Variants in CDH12 observed in about 807,000 individuals in gnomAD.
CDH12 encodes cadherin-12.
Under a neutral mutation model 74.1 loss-of-function variants are expected in CDH12, and 41 were observed. The observed-to-expected ratio is 0.55, with a 90% CI of 0.43 to 0.72. The LOEUF is 0.72. Among genes scored for constraint, CDH12 ranks in the 30% least tolerant of loss-of-function variants. The pLI is 0.00. For missense variants in CDH12, 945 were observed against 977.2 expected (o/e 0.97, Z 0.44); for synonymous variants, 399 against 355.0 (o/e 1.12, Z -1.39).
intron 1 of CDH12, among the ~76,000 whole-genome samples, chr5:22,532,246 T>C (rs1480647347): frequency 6.7e-6 from 1 of 149,564 alleles, no homozygotes; most frequent in African/African-American, 2.5e-5. Context: ...AGGATGTCTG[T>C]TAAGAAAGGA....
chr5:22,787,103 G>A (rs888489690), intron 1 of CDH12, among the ~76,000 whole-genome samples: 7 of 151,274 alleles, frequency 4.6e-5, no homozygotes, highest in Non-Finnish European at 7.4e-5. Context: ...CACTGAACTC[G>A]TGCATGTTCT....
chr5:22,034,885 C>G (rs1326607044), intron 5 of CDH12, among the ~76,000 whole-genome samples: 1 of 152,080 alleles, frequency 6.6e-6, no homozygotes, highest in Non-Finnish European at 1.5e-5. Flanking sequence ...CCTGAATAAG[C>G]AAACAATACC....
intron 4 of CDH12, among the ~76,000 whole-genome samples, chr5:22,095,931 C>T (rs1400881246): frequency 6.6e-6 from 1 of 151,880 alleles, no homozygotes; most frequent in Non-Finnish European, 1.5e-5. Context: ...TATCTCTGCA[C>T]CCTGATCCCT....
intron 3 of CDH12, among the ~76,000 whole-genome samples, chr5:22,352,815 A>C (rs1740410860): frequency 6.6e-6 from 1 of 152,164 alleles, no homozygotes; most frequent in Non-Finnish European, 1.5e-5. Flanking sequence ...TTTATTTAGA[A>C]ACTGTTGAGT....
At chr5:22,090,293 A>G (rs1322192434) in intron 4 of CDH12, among the ~76,000 whole-genome samples, 1 of 151,974 alleles carries the variant, frequency 6.6e-6, no homozygotes, top group Non-Finnish European at 1.5e-5. Flanking sequence ...GATGAAATGG[A>G]CACATTTTTA....
At chr5:22,401,382 C>T (rs928715184) in intron 3 of CDH12, among the ~76,000 whole-genome samples, 3 of 152,124 alleles carry the variant, frequency 2.0e-5, no homozygotes, top group Non-Finnish European at 2.9e-5. Context: ...TCATCTATTA[C>T]TAATGTTTAT....
intron 4 of CDH12, among the ~76,000 whole-genome samples, chr5:22,132,017 C>T (rs1746203579): frequency 6.6e-6 from 1 of 152,042 alleles, no homozygotes; most frequent in Non-Finnish European, 1.5e-5. Flanking sequence ...CCATGGAGGG[C>T]CTGCAAAGTC....
At chr5:22,599,215 A>G (rs1362092021) in intron 1 of CDH12, among the ~76,000 whole-genome samples, 1 of 152,176 alleles carries the variant, frequency 6.6e-6, no homozygotes, top group Non-Finnish European at 1.5e-5. Context: ...CTGATACAGA[A>G]AATTGCACTA....
intron 3 of CDH12, among the ~76,000 whole-genome samples, chr5:22,361,791 C>G (rs1028503093): frequency 6.6e-6 from 1 of 152,188 alleles, no homozygotes; most frequent in African/African-American, 2.4e-5. Flanking sequence ...CTACCACCAT[C>G]TGATCTTCGA....
chr5:21,888,782 T>C (rs1409963398), intron 6 of CDH12, among the ~76,000 whole-genome samples: 1 of 152,040 alleles, frequency 6.6e-6, no homozygotes, highest in Non-Finnish European at 1.5e-5. Context: ...TATATATTGA[T>C]AAATGTTCAG....
chr5:22,072,919 A>C (rs2150218882), intron 5 of CDH12, among the ~76,000 whole-genome samples: 1 of 152,194 alleles, frequency 6.6e-6, no homozygotes, highest in East Asian at 1.9e-4. Context: ...ATGTTAGCTT[A>C]AGCATCCACT....
At chr5:22,388,264 C>G (rs898964385) in intron 3 of CDH12, among the ~76,000 whole-genome samples, 34 of 151,830 alleles carry the variant, frequency 2.2e-4, no homozygotes, top group African/African-American at 7.7e-4. Context: ...AGAATAGACA[C>G]AATAGAAAAG....
intron 3 of CDH12, among the ~76,000 whole-genome samples, chr5:22,387,068 A>G (rs1020921624): frequency 1.3e-4 from 20 of 152,046 alleles, no homozygotes; most frequent in African/African-American, 4.8e-4. Flanking sequence ...CAGATACTTA[A>G]TGGAAATTAA....
At chr5:22,620,304 T>A (rs1350242606) in intron 1 of CDH12, among the ~76,000 whole-genome samples, 2 of 152,036 alleles carry the variant, frequency 1.3e-5, no homozygotes, top group Non-Finnish European at 2.9e-5. Context: ...AGAATGGTGA[T>A]GAAGAATTGT....
chr5:21,802,059 A>C, intron 10 of CDH12, 108 bp downstream of exon 10: 2 of 877,404 alleles, frequency 2.3e-6, no homozygotes, highest in Non-Finnish European at 3.5e-6. Context: ...ATCATATTCT[A>C]TAATTAAATC....
intron 1 of CDH12, among the ~76,000 whole-genome samples, chr5:22,822,982 C>T (rs1450905585): frequency 1.3e-5 from 2 of 151,990 alleles, no homozygotes; most frequent in African/African-American, 4.8e-5. Flanking sequence ...TGGAACCAAC[C>T]CAAATGTCCA....
At chr5:22,722,413 G>A (rs1219745282) in intron 1 of CDH12, among the ~76,000 whole-genome samples, 1 of 151,998 alleles carries the variant, frequency 6.6e-6, no homozygotes, top group Non-Finnish European at 1.5e-5. Flanking sequence ...TATGGAGCAG[G>A]GACTTAAACA....
chr5:22,815,782 A>T (rs28551605), intron 1 of CDH12, among the ~76,000 whole-genome samples: 9,510 of 148,956 alleles, frequency 0.064, 730 homozygotes, highest in African/African-American at 0.17. Flanking sequence ...AAAAAAAAAA[A>T]AAATAAATAA....
chr5:22,714,053 C>G (rs1743437368), intron 1 of CDH12, among the ~76,000 whole-genome samples: 1 of 152,090 alleles, frequency 6.6e-6, no homozygotes, highest in Non-Finnish European at 1.5e-5. Flanking sequence ...ATTTTTACTC[C>G]TCAATCACCT....
Sources: gnomAD v4.1 joint callset for allele counts (sites outside exome capture counted in the v4.1 genomes callset) on GRCh38, gnomAD v4.1.1 for gene constraint, MANE v1.5 for transcripts, NCBI Gene and HGNC (gene_info 2026-07-23, HGNC 2026-07-21) for gene names.